The following XKR9 variants were observed in gnomAD, a reference collection of about 807,000 sequenced individuals.
The protein encoded by XKR9 is XK related 9, also known as XK-related protein 9.
A neutral mutation model predicts 32.0 loss-of-function variants in XKR9; 32 were observed. The observed-to-expected ratio is 1.00, with a 90% CI of 0.76 to 1.34. The LOEUF (loss-of-function observed/expected upper bound fraction) is 1.34, where lower values mean the gene tolerates loss of function less well. Among genes scored for constraint, XKR9 ranks in the 40% most tolerant of loss-of-function variants. The pLI is 0.00. For missense variants in XKR9, 546 were observed against 429.7 expected (o/e 1.27, Z -2.39); for synonymous variants, 168 against 143.4 (o/e 1.17, Z -1.22).
Position 70,669,510 on chromosome 8 carries a change from C to A in XKR9, c.-389C>A, listed in dbSNP as rs989274092. Reference sequence around the variant, plus strand: ...CCAAGTGGGCGAGAGACATTTTAATCTGGAAGAGTCTTGTGATTTGGGAGA... The same window carrying A: ...CCAAGTGGGCGAGAGACATTTTAATATGGAAGAGTCTTGTGATTTGGGAGA... On this transcript the variant is annotated 5_prime_UTR_variant, in exon 1 of 5. In the 5' UTR this introduces an upstream ATG that the reference lacks. Coordinates refer to ENST00000408926, the MANE Select transcript of XKR9 (RefSeq NM_001011720.2). The A allele has an allele frequency of 5.3e-5, 12 of 228,400 alleles. No homozygotes were observed. Among genetic ancestry groups the A allele is most frequent in the African/African-American group, 2.6e-4 (11 of 42,388 alleles). The allele number at this position is 228,400 out of a possible 1,614,324, so 14.1% of individuals were successfully genotyped here.
intron 2 of XKR9, among the ~76,000 whole-genome samples, chr8:70,785,580 C>A (rs1317637810): frequency 6.7e-6 from 1 of 149,368 alleles, no homozygotes; most frequent in Non-Finnish European, 1.5e-5. Flanking sequence ...TTTTATAGCT[C>A]TTTGAGGTAG....
chr8:70,937,120 C>T, the XKR9 span, among the ~76,000 whole-genome samples: 1 of 151,832 alleles, frequency 6.6e-6, no homozygotes, highest in Admixed American at 6.6e-5. Flanking sequence ...CCCACATTAA[C>T]CTCCTGCATA....
the XKR9 span, among the ~76,000 whole-genome samples, chr8:71,013,527 G>T: frequency 6.6e-6 from 1 of 152,206 alleles, no homozygotes; most frequent in Non-Finnish European, 1.5e-5. Context: ...GTTGGTTAAT[G>T]AGAAGCCAGC....
the XKR9 span, among the ~76,000 whole-genome samples, chr8:70,942,230 A>G: frequency 2.6e-5 from 4 of 152,282 alleles, no homozygotes; most frequent in African/African-American, 9.6e-5. Context: ...TAAGAGAGAC[A>G]TAAGATAATT....
At chr8:70,794,422 C>T (rs1807802804), downstream of XKR9, among the ~76,000 whole-genome samples, 1 of 152,068 alleles carries the variant, frequency 6.6e-6, no homozygotes. Flanking sequence ...GCATCCTTCT[C>T]TTACTTCTTA....
the XKR9 span, among the ~76,000 whole-genome samples, chr8:70,959,302 A>T: frequency 1.3e-5 from 2 of 152,202 alleles, no homozygotes; most frequent in Non-Finnish European, 2.9e-5. Flanking sequence ...TCTTTTTCAC[A>T]TATAGGATAT....
At chr8:70,765,977 G>A (rs977578829) in intron 2 of XKR9, among the ~76,000 whole-genome samples, 13 of 151,874 alleles carry the variant, frequency 8.6e-5, no homozygotes, top group Non-Finnish European at 1.2e-4. Context: ...TGTCTGTTTC[G>A]GTAACAGTCT....
At chr8:70,854,039 A>C in the XKR9 span, among the ~76,000 whole-genome samples, 2 of 152,052 alleles carry the variant, frequency 1.3e-5, no homozygotes, top group African/African-American at 4.8e-5. Flanking sequence ...TTGGGTATAT[A>C]CCCAGTAATG....
chr8:70,887,372 G>A, the XKR9 span, among the ~76,000 whole-genome samples: 1 of 151,806 alleles, frequency 6.6e-6, no homozygotes, highest in East Asian at 1.9e-4. Context: ...CTCCAGCTTT[G>A]TTCTTTTTGC....
chr8:70,995,440 A>AT, the XKR9 span, among the ~76,000 whole-genome samples: 1 of 152,192 alleles, frequency 6.6e-6, no homozygotes. Flanking sequence ...CTGTCTTTTC[A>AT]TTTGCAATTC....
At chr8:70,712,280 A>G (rs1805944519) in intron 4 of XKR9, among the ~76,000 whole-genome samples, 2 of 152,136 alleles carry the variant, frequency 1.3e-5, no homozygotes, top group African/African-American at 4.8e-5. Flanking sequence ...ATCTAAAAAT[A>G]TTGGATAAAA....
rs751716935 is a variant in XKR9, at chr8:70,733,812, C to T, written c.510C>T (p.Val170=). 16 of 1,573,742 alleles carry T rather than the reference C, an allele frequency of 1.0e-5. No individual in the cohort carries two copies. The highest frequency in any genetic ancestry group is 1.2e-5 in the South Asian group (1 of 82,588). Residue 170 remains valine, a synonymous_variant, in exon 5 of 5, where the codon GTC becomes GTT. Transcript: ENST00000408926. ...ANFSQYAAIM[V]SCCAISWSTV... Reference sequence around the variant, plus strand: ...GTTTTGTAGATGCGGCCATCATGGTCTCTTGCTGTGCTATTTCTTGGTCAA... The same window carrying T: ...GTTTTGTAGATGCGGCCATCATGGTTTCTTGCTGTGCTATTTCTTGGTCAA...
intron 2 of XKR9, among the ~76,000 whole-genome samples, chr8:70,776,947 C>CTATATATATATATATATATA (rs1554556847): frequency 7.4e-5 from 4 of 54,210 alleles, no homozygotes; most frequent in South Asian, 6.1e-4. Context: ...CTCTCTCTCT[C>CTATATATATATATATATATA]TATATATATA....
At chr8:71,003,877 C>T in the XKR9 span, among the ~76,000 whole-genome samples, 16 of 152,226 alleles carry the variant, frequency 1.1e-4, no homozygotes, top group Non-Finnish European at 1.6e-4. Flanking sequence ...AGAGATAAAA[C>T]GTGTAAACCA....
At chr8:70,673,368 A>C (rs1818781102) in intron 1 of XKR9, among the ~76,000 whole-genome samples, 1 of 152,226 alleles carries the variant, frequency 6.6e-6, no homozygotes, top group Non-Finnish European at 1.5e-5. Context: ...AATGATTTAA[A>C]AGTAAGGCAA....
At chr8:70,802,710 A>C in the XKR9 span, among the ~76,000 whole-genome samples, 239 of 152,348 alleles carry the variant, frequency 1.6e-3, 1 homozygote, top group African/African-American at 5.6e-3. Flanking sequence ...TTGTCTGAAA[A>C]GGATCTTATT....
intron 2 of XKR9, among the ~76,000 whole-genome samples, chr8:70,786,612 C>T (rs1243662926): frequency 2.0e-5 from 3 of 152,112 alleles, no homozygotes; most frequent in Non-Finnish European, 4.4e-5. Flanking sequence ...TTGGTTTCCA[C>T]TTGCATGGAA....
At chr8:70,741,530 A>G (rs1015056332) in intron 2 of XKR9, among the ~76,000 whole-genome samples, 2 of 152,222 alleles carry the variant, frequency 1.3e-5, no homozygotes, top group African/African-American at 2.4e-5. Context: ...CGTTGAGCAT[A>G]ATGTCTTTAA....
At chr8:70,878,272 A>C in the XKR9 span, among the ~76,000 whole-genome samples, 1 of 152,206 alleles carries the variant, frequency 6.6e-6, no homozygotes. Flanking sequence ...ACCAGCGAAC[A>C]TCATAATGAG....
Sources: gnomAD v4.1 joint callset for allele counts (sites outside exome capture counted in the v4.1 genomes callset) on GRCh38, gnomAD v4.1.1 for gene constraint, MANE v1.5 for transcripts, NCBI Gene and HGNC (gene_info 2026-07-23, HGNC 2026-07-21) for gene names.